Variants in NDE1 observed in about 807,000 individuals in gnomAD.
NDE1 encodes the protein nudE neurodevelopment protein 1.
In NDE1, 28 loss-of-function variants were observed where a neutral mutation model predicts 43.4. The ratio of observed to expected loss-of-function variants is 0.65; its 90% CI spans 0.48 to 0.89. The LOEUF (loss-of-function observed/expected upper bound fraction) is 0.89. Ranked by LOEUF, NDE1 falls within the 40% of genes least tolerant of loss-of-function variation. The pLI is 0.00. For missense variants in NDE1, 441 were observed against 434.1 expected, an observed-to-expected ratio of 1.02 and a Z score of -0.14; for synonymous variants, 184 against 172.0, an observed-to-expected ratio of 1.07 and a Z score of -0.55.
chr16:15,667,968 CT>C (rs113978379), intron 3 of NDE1, among the ~76,000 whole-genome samples: 4,368 of 140,444 alleles, frequency 0.031, 136 homozygotes, highest in Admixed American at 0.094. Context: ...GGCAGGGAGA[CT>C]TTTTTTTTTT....
intron 1 of NDE1, among the ~76,000 whole-genome samples, chr16:15,652,430 G>C (rs2036548524): frequency 6.6e-6 from 1 of 152,196 alleles, no homozygotes; most frequent in South Asian, 2.1e-4. Context: ...GAGCATTCCT[G>C]TGTACAGAAA....
At chr16:15,720,522 A>C (rs1344209242) in intron 8 of NDE1, among the ~76,000 whole-genome samples, 1 of 151,854 alleles carries the variant, frequency 6.6e-6, no homozygotes, top group African/African-American at 2.4e-5. Flanking sequence ...CAACAGGAGA[A>C]TGGATCACTT....
intron 8 of NDE1, among the ~76,000 whole-genome samples, chr16:15,704,596 G>A (rs1275627530): frequency 6.6e-6 from 1 of 152,186 alleles, no homozygotes; most frequent in Admixed American, 6.5e-5. Context: ...CGCCTTAGAG[G>A]TGAGTTTTCA....
intron 8 of NDE1, chr16:15,708,866 A>AG: frequency 6.2e-7 from 1 of 1,607,410 alleles, no homozygotes. Flanking sequence ...GAATCCCCGG[A>AG]GGTTACCATC....
intron 8 of NDE1, chr16:15,718,517 A>G: frequency 6.6e-7 from 1 of 1,518,196 alleles, no homozygotes; most frequent in East Asian, 2.5e-5. Flanking sequence ...GTCATGCCTC[A>G]GGGGTATTGC....
At chr16:15,676,225 G>GGT (rs2037867985) in intron 3 of NDE1, among the ~76,000 whole-genome samples, 3 of 118,952 alleles carry the variant, frequency 2.5e-5, no homozygotes, top group African/African-American at 9.5e-5. Context: ...TGTTTTTCTG[G>GGT]TTTTTTTTTT....
At chr16:15,718,670 C>T (rs187959159) in intron 8 of NDE1, 285 of 604,092 alleles carry the variant, frequency 4.7e-4, no homozygotes, top group Non-Finnish European at 7.2e-4. Flanking sequence ...CAGCACACTC[C>T]TCCCTGACTC....
In NDE1 at chr16:15,725,875, G is replaced by C; in HGVS notation, c.*1624G>C. The C allele has an allele frequency of 2.5e-6, 1 of 393,908 alleles. No individual in the cohort carries two copies. The allele number at this position is 393,908 out of a possible 1,614,324, so 24.4% of individuals were successfully genotyped here. A position where few individuals can be genotyped will look rare whatever the true frequency, so the allele number is the denominator to read the frequency against. Reference sequence around the variant, plus strand: ...ACAGCTTCACATTGCCCAGAGTAAGGATCAACATACATGTAATAGGTTCTC... The same window carrying C: ...ACAGCTTCACATTGCCCAGAGTAAGCATCAACATACATGTAATAGGTTCTC... On this transcript the variant is annotated 3_prime_UTR_variant, in exon 9 of 9. Transcript: ENST00000396354.
chr16:15,671,311 C>T (rs2037578982), intron 3 of NDE1, among the ~76,000 whole-genome samples: 1 of 152,030 alleles, frequency 6.6e-6, no homozygotes, highest in South Asian at 2.1e-4. Flanking sequence ...CAAGGCCAGC[C>T]TGGGCAACAT....
chr16:15,718,516 CAG>C (rs1350958337), intron 8 of NDE1: 9 of 1,519,274 alleles, frequency 5.9e-6, no homozygotes, highest in Non-Finnish European at 7.0e-6. Flanking sequence ...AGTCATGCCT[CAG>C]GGGTATTGCC....
chr16:15,653,911 G>A (rs1254768847), intron 1 of NDE1, among the ~76,000 whole-genome samples: 1 of 151,816 alleles, frequency 6.6e-6, no homozygotes, highest in Non-Finnish European at 1.5e-5. Flanking sequence ...TGTGTTTTTG[G>A]TAGAGATGGG....
chr16:15,726,059 T>G lies in NDE1; in HGVS notation c.*1808T>G, dbSNP rs147741620. 1.7e-3 allele frequency: 331 copies of G among 200,008 alleles called. No homozygotes were observed. The highest frequency in any genetic ancestry group is 4.9e-3 in the African/African-American group (212 of 43,408). The allele number at this position is 200,008 out of a possible 1,614,324, so 12.4% of individuals were successfully genotyped here. A position where few individuals can be genotyped will look rare whatever the true frequency, so the allele number is the denominator to read the frequency against. The stretch of plus-strand genomic sequence containing the variant: ...CAGGGCCTTTGCACACGCTGTTCCC[T>G]CTGCCTGGTAGACTTATCCATGCTC... On this transcript the variant is annotated 3_prime_UTR_variant, in exon 9 of 9. Transcript: ENST00000396354.
rs557459331 is a variant in NDE1 at position 15,714,673 on chromosome 16, C to T, written c.948-9518C>T. ...CTCAGCCGGAGGACCGGATGGGAGA[C>T]GGTCGATCGTTAAAGGATCTAGAAG... is the stretch of plus-strand genomic sequence containing the variant. On this transcript the variant is annotated intron_variant, in intron 8 of 8. Coordinates refer to ENST00000396354, the MANE Select transcript of NDE1 (RefSeq NM_017668.3). The T allele has an allele frequency of 3.2e-5, 19 of 602,728 alleles. 1 individual carries two copies. The highest frequency in any genetic ancestry group is 2.0e-4 in the African/African-American group (11 of 54,026). 37.3% of individuals were successfully genotyped at this position (602,728 alleles called of 1,614,324 possible). A position where few individuals can be genotyped will look rare whatever the true frequency, so the allele number is the denominator to read the frequency against.
chr16:15,711,692 C>T (rs2039804615), intron 8 of NDE1, among the ~76,000 whole-genome samples: 1 of 152,170 alleles, frequency 6.6e-6, no homozygotes, highest in African/African-American at 2.4e-5. Context: ...CTGTCCTAGA[C>T]ACTGGAGATT....
chr16:15,692,103 C>T (rs904414554), intron 6 of NDE1, among the ~76,000 whole-genome samples: 1 of 152,054 alleles, frequency 6.6e-6, no homozygotes. Flanking sequence ...CCCAGCCCCT[C>T]TGCTGACAGC....
intron 1 of NDE1, among the ~76,000 whole-genome samples, chr16:15,657,032 T>G (rs929236561): frequency 2.6e-5 from 4 of 152,162 alleles, no homozygotes; most frequent in African/African-American, 9.7e-5. Context: ...CCGCACTTTA[T>G]TGTATGCTGA....
rs1399915743 is a variant in NDE1, at chr16:15,724,298, C to T, written c.*47C>T. On this transcript the variant is annotated 3_prime_UTR_variant, in exon 9 of 9. Coordinates refer to ENST00000396354, the MANE Select transcript of NDE1 (RefSeq NM_017668.3). ...AGTTTATCATAAGCGGCCGCCTTCT[C>T]CTCGTACTGCTGGGTGAGGTTCTCG... The T allele has an allele frequency of 6.2e-7, 1 of 1,614,208 alleles. No individual in the cohort carries two copies. Among genetic ancestry groups the T allele is most frequent in the Non-Finnish European group, 8.5e-7 (1 of 1,180,034 alleles).
intron 8 of NDE1, chr16:15,717,459 G>T: frequency 9.0e-7 from 1 of 1,116,634 alleles, no homozygotes; most frequent in Non-Finnish European, 1.3e-6. Context: ...CCTTGATCCC[G>T]GGCACCCTGT....
chr16:15,711,668 C>T (rs2039802622), intron 8 of NDE1, among the ~76,000 whole-genome samples: 1 of 152,082 alleles, frequency 6.6e-6, no homozygotes, highest in South Asian at 2.1e-4. Context: ...GATAAAGGTT[C>T]ACTCTGCCTG....
Sources: allele counts gnomAD v4.1 joint callset (sites outside exome capture counted in the v4.1 genomes callset), GRCh38; gene constraint gnomAD v4.1.1; transcripts MANE v1.5; gene names NCBI Gene and HGNC (gene_info 2026-07-23, HGNC 2026-07-21).